Variants in VAC14 observed in about 807,000 individuals in gnomAD.
The protein encoded by VAC14 is VAC14 component of PIKFYVE complex.
Under a neutral mutation model 85.3 loss-of-function variants are expected in VAC14, and 47 were observed. The ratio of observed to expected loss-of-function variants is 0.55; its 90% CI spans 0.44 to 0.70. The LOEUF (loss-of-function observed/expected upper bound fraction) is 0.70, where lower values mean the gene tolerates loss of function less well. VAC14 is among the 30% of genes least tolerant of loss of function. VAC14 has a pLI of 0.00. For synonymous variants in VAC14, 447 were observed against 430.5 expected (o/e 1.04, Z -0.47); for missense variants, 861 against 1,004.3 (o/e 0.86, Z 1.93).
At chr16:70,764,341 G>C (rs569292188) in intron 10 of VAC14, among the ~76,000 whole-genome samples, 1 of 152,192 alleles carries the variant, frequency 6.6e-6, no homozygotes, top group Admixed American at 6.5e-5. Context: ...GTCTCTGGGC[G>C]GGTGGCCACT....
chr16:70,734,370 G>T (rs116075561), intron 13 of VAC14, among the ~76,000 whole-genome samples: 3,269 of 147,736 alleles, frequency 0.022, 102 homozygotes, highest in African/African-American at 0.076. Flanking sequence ...TGGGCCCAAG[G>T]GACCCTTCTG....
At chr16:70,737,910 C>T (rs894247156) in intron 13 of VAC14, among the ~76,000 whole-genome samples, 3 of 152,236 alleles carry the variant, frequency 2.0e-5, no homozygotes, top group East Asian at 3.8e-4. Flanking sequence ...TGCTCCACTC[C>T]GGCCTCCCTC....
At chr16:70,775,552 A>T (rs868774417) in intron 9 of VAC14, among the ~76,000 whole-genome samples, 2 of 152,330 alleles carry the variant, frequency 1.3e-5, no homozygotes, top group Middle Eastern at 6.8e-3. Context: ...CTGTAGACCC[A>T]GGACGCAGCT....
At chr16:70,782,654 C>T (rs959750448) in intron 7 of VAC14, among the ~76,000 whole-genome samples, 1 of 152,234 alleles carries the variant, frequency 6.6e-6, no homozygotes, top group African/African-American at 2.4e-5. Context: ...TAAGTGACTG[C>T]TGTTTTAGGG....
Position 70,783,313 on chromosome 16 carries a change from C to T in VAC14, c.704+132G>A, listed in dbSNP as rs116892281. The T allele has an allele frequency of 8.2e-4, 883 of 1,073,056 alleles. 16 individuals are homozygous for T. In the East Asian group the frequency reaches 0.02, roughly 25 times the overall value. The allele number at this position is 1,073,056 out of a possible 1,614,324, so 66.5% of individuals were successfully genotyped here. On this transcript the variant is annotated intron_variant, in intron 6 of 18. Coordinates refer to ENST00000261776, the MANE Select transcript of VAC14 (RefSeq NM_018052.5). ...TTGATGGGCTCTTGGCTCCTCAAAG[C>T]GGGAAGCACAAGAGCCAGGAAGAAG...
Position 70,762,698 on chromosome 16 carries a change from T to G in VAC14, c.1306-93A>C, listed in dbSNP as rs2032499326. ...GTCCCGCTGGTGTGCACGGACCCAC[T>G]GGTCTGCACGGACCACTTCCCTCCC... On this transcript the variant is annotated intron_variant, in intron 11 of 18. Transcript: ENST00000261776. This position sits in a 1 kb window ranked among gnomAD's most constrained non-coding sequence, Gnocchi z 4.1. 3.3e-6 allele frequency: 5 copies of G among 1,506,258 alleles called. No individual in the cohort carries two copies. Among genetic ancestry groups the G allele is most frequent in the Non-Finnish European group, 4.6e-6 (5 of 1,095,228 alleles). 93.3% of individuals were successfully genotyped at this position (1,506,258 alleles called of 1,614,324 possible). A position where few individuals can be genotyped will look rare whatever the true frequency, so the allele number is the denominator to read the frequency against.
chr16:70,799,598 G>A (rs1267060196), intron 1 of VAC14, among the ~76,000 whole-genome samples: 1 of 152,220 alleles, frequency 6.6e-6, no homozygotes, highest in African/African-American at 2.4e-5. Context: ...AACGGATGGA[G>A]TGCTACTGGC....
intron 13 of VAC14, among the ~76,000 whole-genome samples, chr16:70,734,429 A>G (rs1216109445): frequency 6.6e-6 from 1 of 152,200 alleles, no homozygotes; most frequent in Non-Finnish European, 1.5e-5. Context: ...CACTGTGCCC[A>G]GCCTCTTTTT....
chr16:70,781,693 C>G (rs1260536554), intron 8 of VAC14, among the ~76,000 whole-genome samples, 176 bp downstream of exon 8: 1 of 152,094 alleles, frequency 6.6e-6, no homozygotes, highest in African/African-American at 2.4e-5. Context: ...CAGCATCAGC[C>G]CCGGGTCCCT....
chr16:70,726,271 C>T (rs965632974), intron 14 of VAC14, among the ~76,000 whole-genome samples: 10 of 152,252 alleles, frequency 6.6e-5, no homozygotes, highest in African/African-American at 9.6e-5. Flanking sequence ...ACACCTACTC[C>T]GGGCAGAGTT....
At chr16:70,712,837 G>A (rs953944472) in intron 14 of VAC14, among the ~76,000 whole-genome samples, 1 of 152,188 alleles carries the variant, frequency 6.6e-6, no homozygotes, top group Non-Finnish European at 1.5e-5. Flanking sequence ...AGAATCCTCT[G>A]TGTGCTTCTC....
chr16:70,741,398 C>G (rs13333447), intron 13 of VAC14, among the ~76,000 whole-genome samples: 7,000 of 151,868 alleles, frequency 0.046, 534 homozygotes, highest in African/African-American at 0.16. Context: ...GGTGGGGGGG[C>G]GGGGAAGCAG....
At chr16:70,785,584 C>T in intron 3 of VAC14, 118 bp downstream of exon 3, 4 of 1,239,466 alleles carry the variant, frequency 3.2e-6, no homozygotes, top group East Asian at 2.6e-5. Context: ...GTGTCCCTTG[C>T]AGCCACATGC....
chr16:70,756,051 CTGACCACGG>C (rs2031821087), intron 12 of VAC14: 1 of 456,684 alleles, frequency 2.2e-6, no homozygotes, highest in Non-Finnish European at 4.4e-6. Flanking sequence ...GCCAACCCAC[CTGACCACGG>C]TGACAAGGAC....
chr16:70,740,394 G>C (rs555202827), intron 13 of VAC14, among the ~76,000 whole-genome samples: 24 of 152,308 alleles, frequency 1.6e-4, no homozygotes, highest in Admixed American at 1.3e-3. Flanking sequence ...CATGGCTAAG[G>C]ATCCTAAAGG....
Position 70,691,407 on chromosome 16 carries a change from G to T in VAC14, c.2186+1414C>A, listed in dbSNP as rs78557852. 4.2e-3 allele frequency: 4,174 copies of T among 985,452 alleles called. 8 individuals carry two copies. The highest frequency in any genetic ancestry group is 0.024 in the Middle Eastern group (46 of 1,914). 61.0% of individuals were successfully genotyped at this position (985,452 alleles called of 1,614,324 possible). Reference sequence around the variant, plus strand: ...TGCCAGGTTGACCCTAACACTATGGGGCGTTGAAGGGCCAAGGCAAAGGCT... The same window carrying T: ...TGCCAGGTTGACCCTAACACTATGGTGCGTTGAAGGGCCAAGGCAAAGGCT... On this transcript the variant is annotated intron_variant, in intron 18 of 18. Coordinates refer to ENST00000261776, the MANE Select transcript of VAC14 (RefSeq NM_018052.5).
At chr16:70,690,690 G>A in intron 18 of VAC14, 1 of 985,744 alleles carries the variant, frequency 1.0e-6, no homozygotes, top group Non-Finnish European at 1.2e-6. Flanking sequence ...CTGTCTGCCA[G>A]CTGTCTGCCC....
intron 15 of VAC14, among the ~76,000 whole-genome samples, chr16:70,698,001 C>T (rs568672313): frequency 6.6e-6 from 1 of 152,274 alleles, no homozygotes; most frequent in South Asian, 2.1e-4. Flanking sequence ...CCAGCCGGGA[C>T]ACGAGAGGCC....
At chr16:70,691,536 C>A in intron 18 of VAC14, 1 of 985,482 alleles carries the variant, frequency 1.0e-6, no homozygotes, top group Middle Eastern at 5.2e-4. Context: ...CGCTCCATGG[C>A]TGACCCTGCT....
Sources: gnomAD v4.1 joint callset for allele counts (sites outside exome capture counted in the v4.1 genomes callset) on GRCh38, gnomAD v4.1.1 for gene constraint, Gnocchi (gnomAD v3.1) non-coding constraint, MANE v1.5 for transcripts, NCBI Gene and HGNC (gene_info 2026-07-23, HGNC 2026-07-21) for gene names.